The following MYO18B variants were observed in gnomAD, a reference collection of about 807,000 sequenced individuals.
MYO18B encodes myosin XVIIIB.
In MYO18B, 204 loss-of-function variants were observed where a neutral mutation model predicts 273.0. The ratio of observed to expected loss-of-function variants is 0.75; its 90% CI spans 0.67 to 0.84. The LOEUF (loss-of-function observed/expected upper bound fraction) is 0.84, where lower values mean the gene tolerates loss of function less well. Ranked by LOEUF, MYO18B falls within the 40% of genes least tolerant of loss-of-function variation. The pLI is 0.00. For missense variants in MYO18B, 3,212 were observed against 3,287.6 expected (o/e 0.98, Z 0.56); for synonymous variants, 1,330 against 1,305.7 (o/e 1.02, Z -0.40).
intron 17 of MYO18B, among the ~76,000 whole-genome samples, chr22:25,836,831 G>A (rs192661671): frequency 7.9e-5 from 12 of 152,100 alleles, no homozygotes; most frequent in South Asian, 2.1e-4. Context: ...GTGTGATGGC[G>A]CATGCCTGTA....
intron 17 of MYO18B, among the ~76,000 whole-genome samples, chr22:25,839,817 G>C (rs1340993574): frequency 6.6e-6 from 1 of 152,192 alleles, no homozygotes; most frequent in Non-Finnish European, 1.5e-5. Flanking sequence ...GGGCCCCAGA[G>C]CCCTGAGCTG....
chr22:25,796,708 A>G (rs738640), intron 11 of MYO18B, among the ~76,000 whole-genome samples: 112,935 of 152,064 alleles, frequency 0.74, 42,079 homozygotes, highest in East Asian at 0.86. Context: ...AAGAAGCAGT[A>G]TCCTGAAAGG....
At chr22:25,980,728 G>A (rs1352284336) in intron 39 of MYO18B, among the ~76,000 whole-genome samples, 1 of 152,158 alleles carries the variant, frequency 6.6e-6, no homozygotes, top group African/African-American at 2.4e-5. Flanking sequence ...AAACAGAAAA[G>A]CAAAGCAACG....
intron 14 of MYO18B, among the ~76,000 whole-genome samples, chr22:25,827,101 G>A (rs1430075926): frequency 6.6e-6 from 1 of 152,140 alleles, no homozygotes; most frequent in African/African-American, 2.4e-5. Context: ...AACAGTGATT[G>A]TAAAAATGCC....
chr22:25,987,465 C>T (rs898007612), intron 39 of MYO18B, among the ~76,000 whole-genome samples: 2 of 151,976 alleles, frequency 1.3e-5, no homozygotes, highest in African/African-American at 2.4e-5. Flanking sequence ...TCTGTATACA[C>T]GATATATATA....
At chr22:25,998,329 A>G (rs1341406754) in intron 40 of MYO18B, among the ~76,000 whole-genome samples, 2 of 152,178 alleles carry the variant, frequency 1.3e-5, no homozygotes, top group Non-Finnish European at 2.9e-5. Context: ...TTCATGGCCC[A>G]GGGGCTGCGG....
intron 28 of MYO18B, 70 bp from the exon 29 acceptor site, chr22:25,898,237 C>T: frequency 1.3e-6 from 2 of 1,534,776 alleles, no homozygotes; most frequent in Non-Finnish European, 8.8e-7. Context: ...ATAGCAACTC[C>T]TTGAAATACA....
intron 17 of MYO18B, among the ~76,000 whole-genome samples, chr22:25,841,350 C>T (rs2090077023): frequency 6.6e-6 from 1 of 152,178 alleles, no homozygotes; most frequent in African/African-American, 2.4e-5. Flanking sequence ...ATGGGAAATG[C>T]TTTCATGGAC....
intron 42 of MYO18B, among the ~76,000 whole-genome samples, chr22:26,010,951 G>A (rs916082567): frequency 6.6e-6 from 1 of 151,862 alleles, no homozygotes; most frequent in Non-Finnish European, 1.5e-5. Context: ...GAGCCCTAAG[G>A]AGATACCAAG....
intron 3 of MYO18B, among the ~76,000 whole-genome samples, chr22:25,766,891 T>G (rs1240665317): frequency 2.0e-5 from 3 of 152,240 alleles, no homozygotes; most frequent in African/African-American, 4.8e-5. Flanking sequence ...GGGACAGCAG[T>G]TCACGGGCTG....
intron 12 of MYO18B, among the ~76,000 whole-genome samples, chr22:25,821,709 G>A (rs1480958650): frequency 9.2e-5 from 14 of 152,132 alleles, no homozygotes; most frequent in Admixed American, 8.5e-4. Context: ...CCCAGGAGGC[G>A]GAGCTTGCAG....
chr22:25,789,942 C>T (rs922589325), intron 11 of MYO18B, among the ~76,000 whole-genome samples: 18 of 152,340 alleles, frequency 1.2e-4, no homozygotes, highest in Non-Finnish European at 1.9e-4. Flanking sequence ...CACCTGAGGT[C>T]AGGAGTTTGA....
Position 25,874,363 on chromosome 22 carries a change from C to A in MYO18B, c.4029C>A (p.Phe1343Leu). The part of the protein sequence containing the change: ...EKLVSQSIVL[F>L]QAACKGFLSR... ...TGGTATCTCAGAGCATCGTTCTCTT[C>A]CAGGCGGCTTGCAAGGGCTTTCTGT... Residue 1343 changes from phenylalanine (F) to leucine (L), a missense_variant, in exon 23 of 44, where the codon TTC (phenylalanine) becomes TTA (leucine). Transcript: ENST00000335473. The A allele has an allele frequency of 6.2e-7, 1 of 1,613,974 alleles. No homozygotes were observed. The highest frequency in any genetic ancestry group is 2.2e-5 in the East Asian group (1 of 44,884).
chr22:25,781,673 C>A, intron 9 of MYO18B, 61 bp from the exon 10 acceptor site: 3 of 1,114,134 alleles, frequency 2.7e-6, no homozygotes, highest in Non-Finnish European at 3.6e-6. Context: ...GGTAGCTGCA[C>A]TTCAGGCATG....
At chr22:25,818,173 G>A (rs1263153013) in intron 12 of MYO18B, among the ~76,000 whole-genome samples, 1 of 152,224 alleles carries the variant, frequency 6.6e-6, no homozygotes, top group Non-Finnish European at 1.5e-5. Context: ...CTCTGGAGTG[G>A]GCTGGGGGCA....
intron 39 of MYO18B, among the ~76,000 whole-genome samples, chr22:25,980,944 C>T (rs2093142615): frequency 6.6e-6 from 1 of 152,208 alleles, no homozygotes; most frequent in African/African-American, 2.4e-5. Flanking sequence ...ATGCCTGTCT[C>T]CTAGCTTCTG....
intron 11 of MYO18B, among the ~76,000 whole-genome samples, chr22:25,792,527 G>C (rs2087723818): frequency 8.1e-6 from 1 of 122,782 alleles, no homozygotes; most frequent in South Asian, 2.8e-4. Context: ...ACAGAGTCTG[G>C]CTCTGTGCCC....
chr22:25,755,907 CT>C (rs568293596), intron 1 of MYO18B, among the ~76,000 whole-genome samples: 10 of 148,404 alleles, frequency 6.7e-5, no homozygotes, highest in South Asian at 2.1e-4. Flanking sequence ...TTCTTTCTTT[CT>C]TTTTTTTTTC....
At chr22:26,046,863 G>T in the MYO18B span, among the ~76,000 whole-genome samples, 1 of 152,162 alleles carries the variant, frequency 6.6e-6, no homozygotes, top group Non-Finnish European at 1.5e-5. Context: ...CACTGGGGTA[G>T]CTGGAAAGTC....
Sources: gnomAD v4.1 joint callset for allele counts (sites outside exome capture counted in the v4.1 genomes callset) on GRCh38, gnomAD v4.1.1 for gene constraint, MANE v1.5 for transcripts, NCBI Gene and HGNC (gene_info 2026-07-23, HGNC 2026-07-21) for gene names.